SPRYD3: variants seen among roughly 807,000 people sequenced by gnomAD.
SPRYD3 encodes SPRY domain containing 3, also known as SPRY domain-containing protein 3.
SPRYD3 carries 17 observed loss-of-function variants against 50.1 expected under a neutral mutation model. That is an observed-to-expected ratio of 0.34 (90% CI 0.23 to 0.51). The LOEUF is 0.51. Among genes scored for constraint, SPRYD3 ranks in the 20% least tolerant of loss-of-function variants. The pLI is 0.97. For synonymous variants in SPRYD3, 198 were observed against 215.5 expected, an observed-to-expected ratio of 0.92 and a Z score of 0.71; for missense variants, 401 against 591.2, an observed-to-expected ratio of 0.68 and a Z score of 3.34.
intron 6 of SPRYD3, among the ~76,000 whole-genome samples, chr12:53,069,321 G>A (rs1944532560): frequency 6.6e-6 from 1 of 152,048 alleles, no homozygotes; most frequent in Admixed American, 6.5e-5. Flanking sequence ...GTTGCCTAGG[G>A]ACCTCCTCCA....
rs201437528 is a variant in SPRYD3 at position 53,065,874 on chromosome 12, G to T, written c.1287C>A (p.Cys429Ter). The T allele has an allele frequency of 6.2e-7, 1 of 1,613,726 alleles. No individual in the cohort carries two copies. Among genetic ancestry groups the T allele is most frequent in the Admixed American group, 1.7e-5 (1 of 59,990 alleles). ...GFFPTIGMLS[C>*]GEKVKVDLHP... is the part of the protein sequence containing the mutation. The stretch of plus-strand genomic sequence containing the variant: ...GCAGATCTACTTTGACTTTCTCCCC[G>T]CAGCTCAGCATTCCAATGGTGGGGA... The change falls in exon 11 of 11, where the codon TGC becomes TGA. Residue 429 changes from cysteine to a stop codon, truncating the protein, a stop_gained. Coordinates refer to ENST00000301463, the MANE Select transcript of SPRYD3 (RefSeq NM_032840.3). LOFTEE classifies it high-confidence loss of function.
At chr12:53,072,374 C>G (rs540294529) in intron 6 of SPRYD3, among the ~76,000 whole-genome samples, 4 of 152,300 alleles carry the variant, frequency 2.6e-5, no homozygotes, top group South Asian at 2.1e-4. Flanking sequence ...TCCCACCCCC[C>G]ACTGCTTCTG....
At chr12:53,075,074 G>C (rs778163914) in intron 4 of SPRYD3, 21 bp downstream of exon 4, 2 of 1,607,666 alleles carry the variant, frequency 1.2e-6, no homozygotes, top group Non-Finnish European at 1.7e-6. Flanking sequence ...AAAGGGCCGG[G>C]TTGCACAGGA....
At chr12:53,066,774 A>C in intron 8 of SPRYD3, 82 bp from the exon 9 acceptor site, 1 of 1,485,428 alleles carries the variant, frequency 6.7e-7, no homozygotes, top group Non-Finnish European at 9.1e-7. Flanking sequence ...GAAGCTGAAC[A>C]CTTCCCACCC....
intron 6 of SPRYD3, 28 bp downstream of exon 6, chr12:53,073,258 C>G (rs550231546): frequency 4.8e-5 from 19 of 397,812 alleles, no homozygotes; most frequent in African/African-American, 4.1e-4. Flanking sequence ...CCGACCCAGC[C>G]CCTCCCACCC....
chr12:53,071,128 C>T (rs950535537), intron 6 of SPRYD3, among the ~76,000 whole-genome samples: 1 of 152,196 alleles, frequency 6.6e-6, no homozygotes, highest in African/African-American at 2.4e-5. Flanking sequence ...CAAGGAAGGG[C>T]TCAGTGCCCT....
intron 5 of SPRYD3, among the ~76,000 whole-genome samples, chr12:53,073,713 G>A (rs1014199864): frequency 2.9e-4 from 44 of 151,968 alleles, no homozygotes; most frequent in Admixed American, 2.2e-3. Flanking sequence ...GCGTGGTGGC[G>A]GGCGCCTGTA....
intron 3 of SPRYD3, among the ~76,000 whole-genome samples, 167 bp from the exon 4 acceptor site, chr12:53,075,386 G>A (rs1229610197): frequency 2.0e-5 from 3 of 152,216 alleles, no homozygotes; most frequent in African/African-American, 7.2e-5. Flanking sequence ...ATTGGTGAGA[G>A]TGGGTGCCTA....
chr12:53,072,128 C>T (rs1275561200), intron 6 of SPRYD3, among the ~76,000 whole-genome samples: 9 of 152,076 alleles, frequency 5.9e-5, no homozygotes, highest in Non-Finnish European at 8.8e-5. Context: ...ATCGCCCTGG[C>T]GCAGCCCCAA....
chr12:53,076,409 G>C (rs1360087778), intron 2 of SPRYD3, among the ~76,000 whole-genome samples: 1 of 152,220 alleles, frequency 6.6e-6, no homozygotes, highest in Non-Finnish European at 1.5e-5. Flanking sequence ...ACAGGAGTTG[G>C]TGGACAGGGT....
Position 53,066,587 on chromosome 12 carries a change from A to G in SPRYD3, c.1007T>C (p.Ile336Thr). The change falls in exon 9 of 11, where the codon ATT (isoleucine) becomes ACT (threonine). Residue 336 changes from isoleucine (I) to threonine (T), a missense_variant. Transcript: ENST00000301463. The part of the protein sequence containing the change: ...GCGIMFPRDY[I>T]LDSEGDSDDS... ...ACCCCACTCACCCTCACTGTCCAAA[A>G]TGTAGTCCCGGGGGAACATGATTCC... 6.2e-7 allele frequency: 1 copy of G among 1,613,910 alleles called. No homozygotes were observed. Among genetic ancestry groups the G allele is most frequent in the African/African-American group, 1.3e-5 (1 of 75,022 alleles).
Position 53,077,095 on chromosome 12 carries a change from A to C in SPRYD3, c.170+20T>G. The C allele has an allele frequency of 6.2e-7, 1 of 1,611,462 alleles. No individual in the cohort carries two copies. The highest frequency in any genetic ancestry group is 1.7e-4 in the Middle Eastern group (1 of 6,056). On this transcript the variant is annotated intron_variant, in intron 2 of 10. Coordinates refer to ENST00000301463, the MANE Select transcript of SPRYD3 (RefSeq NM_032840.3). ...ATCTGGAACAGAGAAGAAAATGTGG[A>C]AGCATTCTCCTGAACTCACCTTAAA...
intron 6 of SPRYD3, among the ~76,000 whole-genome samples, chr12:53,071,361 G>A (rs1944548441): frequency 2.0e-5 from 3 of 152,166 alleles, no homozygotes; most frequent in African/African-American, 7.2e-5. Context: ...TCCCCCAGCT[G>A]TTACCTACCG....
At chr12:53,066,065 T>A in intron 10 of SPRYD3, 99 bp from the exon 11 acceptor site, 1 of 1,479,476 alleles carries the variant, frequency 6.8e-7, no homozygotes, top group Non-Finnish European at 9.2e-7. Context: ...CACCCCAGCT[T>A]CCAGCGGGGC....
intron 6 of SPRYD3, 28 bp downstream of exon 6, chr12:53,073,258 C>CCCCGGGGGGGGGGGGGGGGGG: frequency 2.5e-6 from 1 of 397,788 alleles, no homozygotes; most frequent in Non-Finnish European, 4.6e-6. Context: ...CCGACCCAGC[C>CCCCGGGGGGGGGGGGGGGGGG]CCTCCCACCC....
At chr12:53,077,007 A>G (rs1409394463) in intron 2 of SPRYD3, 108 bp downstream of exon 2, 64 of 960,016 alleles carry the variant, frequency 6.7e-5, no homozygotes, top group Non-Finnish European at 9.7e-5. Context: ...TTCCCTGTGC[A>G]GTGCACAGTC....
At chr12:53,066,006 G>A (rs1206641076) in intron 10 of SPRYD3, 40 bp from the exon 11 acceptor site, 3 of 1,596,230 alleles carry the variant, frequency 1.9e-6, no homozygotes, top group Non-Finnish European at 8.6e-7. Context: ...CAAGCAGGCT[G>A]TGGCCTCTTC....
At chr12:53,067,501 A>C (rs1702288494) in intron 8 of SPRYD3, 147 bp downstream of exon 8, 1 of 687,596 alleles carries the variant, frequency 1.5e-6, no homozygotes, top group Non-Finnish European at 2.6e-6. Flanking sequence ...ATGAGGAGGA[A>C]GCACTAGCGA....
chr12:53,075,941 C>T, intron 2 of SPRYD3, 130 bp from the exon 3 acceptor site: 2 of 706,842 alleles, frequency 2.8e-6, no homozygotes, highest in Non-Finnish European at 5.0e-6. Flanking sequence ...CACTTCAGTA[C>T]ATCGGCAGAC....
Sources: allele counts gnomAD v4.1 joint callset (sites outside exome capture counted in the v4.1 genomes callset), GRCh38; gene constraint gnomAD v4.1.1; transcripts MANE v1.5; gene names NCBI Gene and HGNC (gene_info 2026-07-23, HGNC 2026-07-21).